Variants in SUN5 observed in about 807,000 individuals in gnomAD.
SUN5 encodes SUN domain-containing protein 5.
SUN5 carries 44 observed loss-of-function variants against 53.7 expected under a neutral mutation model. That is an observed-to-expected ratio of 0.82 (90% CI 0.64 to 1.05). The LOEUF is 1.05. SUN5 is among the 50% of genes least tolerant of loss of function. SUN5 has a pLI of 0.00. For synonymous variants in SUN5, 166 were observed against 179.8 expected (o/e 0.92, Z 0.62); for missense variants, 433 against 483.8 (o/e 0.90, Z 0.98).
At chr20:32,985,990 T>C in intron 10 of SUN5, 87 bp from the exon 11 acceptor site, 2 of 1,445,176 alleles carry the variant, frequency 1.4e-6, no homozygotes. Context: ...TGGGACCTCC[T>C]GGGTGAGCCA....
rs921579691 is a variant in SUN5 at position 32,983,926 on chromosome 20, A to G, written c.1008T>C (p.Ser336=). ...PLQNQPARAF[S]AVKVKISSNW... Reference sequence around the variant, plus strand: ...TGCTTGAGATCTTCACCTTGACCGCACTGAAAGCCCGGGCCGGCTGGTTCT... The same window carrying G: ...TGCTTGAGATCTTCACCTTGACCGCGCTGAAAGCCCGGGCCGGCTGGTTCT... Residue 336 remains serine (S), a synonymous_variant, in exon 13 of 13, where the codon AGT becomes AGC. Transcript: ENST00000356173. The G allele has an allele frequency of 3.1e-6, 5 of 1,591,616 alleles. No homozygotes were observed. The highest frequency in any genetic ancestry group is 2.7e-5 in the African/African-American group (2 of 74,270).
At chr20:32,995,789 G>T in intron 7 of SUN5, 62 bp from the exon 8 acceptor site, 1 of 1,492,766 alleles carries the variant, frequency 6.7e-7, no homozygotes, top group Non-Finnish European at 9.3e-7. Context: ...GTTACCCTCA[G>T]ATTTTCCCTT....
chr20:32,995,169 A>T (rs8120555), intron 8 of SUN5, among the ~76,000 whole-genome samples: 16,577 of 152,246 alleles, frequency 0.11, 1,570 homozygotes, highest in African/African-American at 0.26. Context: ...ATTGAAAAAT[A>T]TCAACCCACA....
chr20:33,001,157 C>T lies in SUN5; in HGVS notation c.278+55G>A, dbSNP rs1298593671. 30 of 1,539,344 alleles carry T rather than the reference C, an allele frequency of 1.9e-5. No individual in the cohort carries two copies. In the Middle Eastern group the frequency reaches 8.4e-4, roughly 43 times the overall value. On this transcript the variant is annotated intron_variant, in intron 4 of 12. Coordinates refer to ENST00000356173, the MANE Select transcript of SUN5 (RefSeq NM_080675.4). ...AAACTGATGGAGGGGCTGTTATGGTCCCCAGCTGCCATTTCCCACTCCCCA... is the reference window on the plus strand; with the variant it reads ...AAACTGATGGAGGGGCTGTTATGGTTCCCAGCTGCCATTTCCCACTCCCCA...
chr20:33,001,063 G>C, intron 4 of SUN5, 149 bp downstream of exon 4: 1 of 815,372 alleles, frequency 1.2e-6, no homozygotes, highest in Non-Finnish European at 2.0e-6. Context: ...AGTGGGTTCT[G>C]GGGTGGGAGT....
intron 8 of SUN5, among the ~76,000 whole-genome samples, chr20:32,991,258 C>A (rs888824235): frequency 1.3e-5 from 2 of 152,160 alleles, no homozygotes; most frequent in African/African-American, 4.8e-5. Context: ...ATCCCCAGCA[C>A]GCAGTAGGCA....
intron 10 of SUN5, among the ~76,000 whole-genome samples, chr20:32,986,811 C>T (rs935740426): frequency 2.6e-5 from 4 of 152,192 alleles, no homozygotes; most frequent in South Asian, 4.1e-4. Flanking sequence ...CCGCGTCCCC[C>T]GCCCCAGCCT....
chr20:32,990,725 T>C (rs1041120886), intron 8 of SUN5, among the ~76,000 whole-genome samples: 25 of 152,244 alleles, frequency 1.6e-4, no homozygotes, highest in Admixed American at 1.0e-3. Context: ...CGTGAGTGAA[T>C]CCAGATGATT....
intron 9 of SUN5, among the ~76,000 whole-genome samples, chr20:32,988,012 C>T (rs924649391): frequency 6.6e-6 from 1 of 152,092 alleles, no homozygotes; most frequent in Admixed American, 6.6e-5. Context: ...GGCTGGATTG[C>T]AGTGGCGCGA....
chr20:33,003,033 A>T, intron 1 of SUN5, 114 bp from the exon 2 acceptor site: 1 of 1,200,868 alleles, frequency 8.3e-7, no homozygotes, highest in Non-Finnish European at 1.2e-6. Context: ...AGGTTTCCCA[A>T]CACCACCAGC....
chr20:32,996,237 C>A, intron 7 of SUN5, 87 bp downstream of exon 7: 1 of 1,368,352 alleles, frequency 7.3e-7, no homozygotes, highest in Non-Finnish European at 1.0e-6. Flanking sequence ...GACTGCAGAG[C>A]CTATATTTGT....
chr20:32,986,868 G>T (rs1280807043), intron 10 of SUN5, among the ~76,000 whole-genome samples: 1 of 152,170 alleles, frequency 6.6e-6, no homozygotes, highest in Non-Finnish European at 1.5e-5. Flanking sequence ...CTTGGCCTGT[G>T]CCCCTGCGTT....
In SUN5 at chr20:32,983,876, C is replaced by T. The variant is rs1334591822; in HGVS notation, c.1058G>A (p.Cys353Tyr). Residue 353 changes from cysteine (C) to tyrosine (Y), a missense_variant, in exon 13 of 13, where the codon TGC becomes TAC. Transcript: ENST00000356173. ...SSNWGNPGFT[C>Y]LYRVRVHGSV... ...GCCATGCACTCGCACGCGGTACAGG[C>T]AAGTGAAGCCTGGGTTCCCCCAGTT... 8 of 1,600,870 alleles carry T rather than the reference C, an allele frequency of 5.0e-6. No homozygotes were observed. In the South Asian group the frequency reaches 9.1e-5, roughly 18 times the overall value.
At chr20:32,984,427 G>A (rs1030951254) in intron 12 of SUN5, among the ~76,000 whole-genome samples, 1 of 152,182 alleles carries the variant, frequency 6.6e-6, no homozygotes, top group Non-Finnish European at 1.5e-5. Context: ...CAAGCAAGAG[G>A]GGGTGGAGCC....
At chr20:32,996,585 C>T (rs935812848) in intron 6 of SUN5, among the ~76,000 whole-genome samples, 3 of 151,536 alleles carry the variant, frequency 2.0e-5, no homozygotes, top group Admixed American at 1.3e-4. Context: ...TTCATCCATC[C>T]ACCCTTATAC....
In SUN5 at chr20:33,001,544, T is replaced by TTCTTTCTTTCTTTCTTTCTTTCTTTC. The variant is rs1568970875; in HGVS notation, c.212-267_212-266insGAAAGAAAGAAAGAAAGAAAGAAAGA. On this transcript the variant is annotated intron_variant, in intron 3 of 12. Transcript: ENST00000356173. ...CTTCTTTCTTTCTTTCTTTCTTTCT[T>TTCTTTCTTTCTTTCTTTCTTTCTTTC]TCTTTCTTTCTTTCTTTCTTTTCTT... is the stretch of plus-strand genomic sequence containing the variant. Among the ~76,000 whole-genome samples, 245 of 138,702 alleles carry TTCTTTCTTTCTTTCTTTCTTTCTTTC rather than the reference T, an allele frequency of 1.8e-3. 4 individuals carry two copies. Among genetic ancestry groups the TTCTTTCTTTCTTTCTTTCTTTCTTTC allele is most frequent in the African/African-American group, 7.6e-3 (233 of 30,618 alleles). 91.0% of individuals were successfully genotyped at this position (138,702 alleles called of 152,430 possible).
chr20:33,001,746 G>C (rs1301124765), intron 3 of SUN5, among the ~76,000 whole-genome samples: 1 of 132,238 alleles, frequency 7.6e-6, no homozygotes, highest in Non-Finnish European at 1.5e-5. Context: ...TCGGCTCACT[G>C]CAACCTCCAC....
rs1989997932 is a variant in SUN5, at chr20:33,001,211, C to T, written c.278+1G>A. The T allele has an allele frequency of 1.9e-6, 3 of 1,571,328 alleles. No homozygotes were observed. Among genetic ancestry groups the T allele is most frequent in the East Asian group, 2.3e-5 (1 of 43,264 alleles). On this transcript the variant is annotated splice_donor_variant, in intron 4 of 12. Transcript: ENST00000356173. LOFTEE classifies it high-confidence loss of function. ...ACCCTCCCCCTGCCTTCCCTGCTCA[C>T]CTGCACGTGTTAAACAGAACCTGCT...
chr20:32,995,787 C>A, intron 7 of SUN5, 60 bp from the exon 8 acceptor site: 1 of 1,494,868 alleles, frequency 6.7e-7, no homozygotes, highest in South Asian at 1.1e-5. Context: ...TTGTTACCCT[C>A]AGATTTTCCC....
Sources: gnomAD v4.1 joint callset for allele counts (sites outside exome capture counted in the v4.1 genomes callset) on GRCh38, gnomAD v4.1.1 for gene constraint, MANE v1.5 for transcripts, NCBI Gene and HGNC (gene_info 2026-07-23, HGNC 2026-07-21) for gene names.